Variants in CDYL2 observed in about 807,000 individuals in gnomAD.
The protein encoded by CDYL2 is chromodomain Y like 2.
A neutral mutation model predicts 49.4 loss-of-function variants in CDYL2; 23 were observed. That is an observed-to-expected ratio of 0.47 (90% CI 0.34 to 0.66). CDYL2 has a LOEUF of 0.66. CDYL2 is among the 30% of genes least tolerant of loss of function. The pLI, the probability that CDYL2 is intolerant of heterozygous loss-of-function variation, is 0.01. For missense variants in CDYL2, 678 were observed against 656.4 expected, an observed-to-expected ratio of 1.03 and a Z score of -0.36; for synonymous variants, 360 against 268.8, an observed-to-expected ratio of 1.34 and a Z score of -3.32.
chr16:80,765,057 CAAA>C (rs933163217), intron 1 of CDYL2, among the ~76,000 whole-genome samples: 2 of 47,818 alleles, frequency 4.2e-5, no homozygotes, highest in Non-Finnish European at 4.4e-5. Flanking sequence ...GATTCCGTCT[CAAA>C]AAAAAAAAAA....
intron 1 of CDYL2, among the ~76,000 whole-genome samples, chr16:80,697,911 A>C (rs1904282384): frequency 6.6e-6 from 1 of 152,192 alleles, no homozygotes. Flanking sequence ...AGATTAAAAA[A>C]ATGGAAATAC....
rs544107765 is a variant in CDYL2 at position 80,727,478 on chromosome 16, A to T, written c.25-42349T>A. 3.9e-5 allele frequency among the ~76,000 whole-genome samples: 6 copies of T among 152,324 alleles called. No individual in the cohort carries two copies. The East Asian group carries it at 1.2e-3, about 29-fold the overall frequency. ...ACGGAGTCTCGCTGATTGCTAGCACAGCAATCTGAGATCAAACTGCAAGGT... is the reference window on the plus strand; with the variant it reads ...ACGGAGTCTCGCTGATTGCTAGCACTGCAATCTGAGATCAAACTGCAAGGT... On this transcript the variant is annotated intron_variant, in intron 1 of 6. Coordinates refer to ENST00000570137, the MANE Select transcript of CDYL2 (RefSeq NM_152342.4).
At chr16:80,720,971 A>T (rs1042940340) in intron 1 of CDYL2, among the ~76,000 whole-genome samples, 2 of 152,206 alleles carry the variant, frequency 1.3e-5, no homozygotes, top group African/African-American at 4.8e-5. Context: ...TCATTTCATT[A>T]TAAGGAAGTG....
At chr16:80,736,151 G>C (rs1905517401) in intron 1 of CDYL2, among the ~76,000 whole-genome samples, 2 of 152,212 alleles carry the variant, frequency 1.3e-5, no homozygotes, top group South Asian at 4.1e-4. Context: ...TCCATCTCGT[G>C]GGTTGTTCAT....
chr16:80,804,169 G>T lies in CDYL2; in HGVS notation c.5C>A (p.Ala2Asp). 7.6e-7 allele frequency: 1 copy of T among 1,307,538 alleles called. No homozygotes were observed. Among genetic ancestry groups the T allele is most frequent in the Non-Finnish European group, 1.0e-6 (1 of 998,058 alleles). The allele number at this position is 1,307,538 out of a possible 1,614,324, so 81.0% of individuals were successfully genotyped here. M[A>D]SGDLYEVERI... is the part of the protein sequence containing the mutation. ...CCGTACCTCGTAAAGGTCCCCAGAA[G>T]CCATGCCAGGCTGCGGAACTTGGCT... The change falls in exon 1 of 7, where the codon GCT becomes GAT. Residue 2 changes from alanine to aspartate, a missense_variant. By Grantham distance (126) the Ala-to-Asp change is moderately radical. This residue lies in a region of CDYL2 where 478 missense variants were observed against 427.0 expected (regional missense o/e 1.12). Transcript: ENST00000570137.
intron 2 of CDYL2, among the ~76,000 whole-genome samples, chr16:80,652,928 A>G (rs1234004056): frequency 6.6e-6 from 1 of 152,218 alleles, no homozygotes; most frequent in African/African-American, 2.4e-5. Context: ...GGGGCTAAGG[A>G]GGCATGATTA....
chr16:80,618,279 C>A (rs1906921011), intron 4 of CDYL2, among the ~76,000 whole-genome samples: 3 of 152,146 alleles, frequency 2.0e-5, no homozygotes, highest in Admixed American at 2.0e-4. Flanking sequence ...GCCTCAGGCC[C>A]CAGCCACGTT....
intron 1 of CDYL2, among the ~76,000 whole-genome samples, chr16:80,768,640 T>C (rs780734104): frequency 6.6e-6 from 1 of 152,018 alleles, no homozygotes; most frequent in South Asian, 2.1e-4. Flanking sequence ...TCTAATACCA[T>C]CCCCTTTGGG....
At chr16:80,760,528 G>A (rs901223938) in intron 1 of CDYL2, among the ~76,000 whole-genome samples, 1 of 151,910 alleles carries the variant, frequency 6.6e-6, no homozygotes, top group African/African-American at 2.4e-5. Flanking sequence ...TTGAGGGAAT[G>A]GATTCCCCAT....
At chr16:80,789,388 T>A (rs1261145144) in intron 1 of CDYL2, among the ~76,000 whole-genome samples, 1 of 152,048 alleles carries the variant, frequency 6.6e-6, no homozygotes, top group Non-Finnish European at 1.5e-5. Context: ...GATCACGAGG[T>A]CAGGAGTTCA....
chr16:80,747,341 C>G (rs1432182657), intron 1 of CDYL2, among the ~76,000 whole-genome samples: 3 of 151,896 alleles, frequency 2.0e-5, no homozygotes, highest in Non-Finnish European at 4.4e-5. Context: ...GGTATTTAAC[C>G]TCTCCAAGCC....
chr16:80,616,746 G>A (rs1906843647), intron 4 of CDYL2, among the ~76,000 whole-genome samples: 1 of 152,226 alleles, frequency 6.6e-6, no homozygotes, highest in Admixed American at 6.5e-5. Context: ...AGTACCAGCA[G>A]TAGTGACAAC....
At chr16:80,693,850 G>A (rs551767166) in intron 1 of CDYL2, among the ~76,000 whole-genome samples, 4 of 152,170 alleles carry the variant, frequency 2.6e-5, no homozygotes, top group African/African-American at 9.6e-5. Context: ...ATCAACCAAG[G>A]TGTCAGAGGC....
At chr16:80,726,348 G>C (rs963444804) in intron 1 of CDYL2, among the ~76,000 whole-genome samples, 2 of 151,972 alleles carry the variant, frequency 1.3e-5, no homozygotes, top group Admixed American at 1.3e-4. Flanking sequence ...ACTGATTTTG[G>C]CACAACAAAC....
chr16:80,647,328 T>G (rs140079953), intron 2 of CDYL2, among the ~76,000 whole-genome samples: 1,573 of 152,116 alleles, frequency 0.01, 24 homozygotes, highest in East Asian at 0.038. Flanking sequence ...AAAATACCAA[T>G]AATATTCTTC....
At chr16:80,764,638 G>A (rs954143668) in intron 1 of CDYL2, among the ~76,000 whole-genome samples, 2 of 152,174 alleles carry the variant, frequency 1.3e-5, no homozygotes, top group African/African-American at 2.4e-5. Flanking sequence ...AAACTGTCAT[G>A]AGATACTAGC....
intron 1 of CDYL2, among the ~76,000 whole-genome samples, chr16:80,743,958 T>C (rs1905838362): frequency 6.6e-6 from 1 of 152,188 alleles, no homozygotes; most frequent in African/African-American, 2.4e-5. Context: ...CTGCCTCTTC[T>C]GCTGCTTCTG....
intron 1 of CDYL2, among the ~76,000 whole-genome samples, chr16:80,709,557 A>AATAGACACAC (rs1239727759): frequency 1.2e-4 from 15 of 121,892 alleles, no homozygotes; most frequent in African/African-American, 4.3e-4. Context: ...TGCAGGAATA[A>AATAGACACAC]ACAGACACAC....
intron 1 of CDYL2, among the ~76,000 whole-genome samples, chr16:80,695,006 G>T (rs543277666): frequency 2.6e-5 from 4 of 152,302 alleles, no homozygotes; most frequent in Admixed American, 2.6e-4. Context: ...GTAACCCAAA[G>T]AATATATATC....
Sources: allele counts gnomAD v4.1 joint callset (sites outside exome capture counted in the v4.1 genomes callset), GRCh38; gene constraint gnomAD v4.1.1; regional missense constraint gnomAD v4.1.1; transcripts MANE v1.5; gene names NCBI Gene and HGNC (gene_info 2026-07-23, HGNC 2026-07-21).